Variants in GNG7 observed in about 807,000 individuals in gnomAD.
GNG7 encodes the protein guanine nucleotide-binding protein G(I)/G(S)/G(O) subunit gamma-7.
A neutral mutation model predicts 4.0 loss-of-function variants in GNG7; 1 was observed. The observed-to-expected ratio is 0.25, with a 90% CI of 0.09 to 1.18. The LOEUF (loss-of-function observed/expected upper bound fraction) is 1.18, where lower values mean the gene tolerates loss of function less well. GNG7 is among the 50% of genes most tolerant of loss of function. The pLI, the probability that GNG7 is intolerant of heterozygous loss-of-function variation, is 0.50. For missense variants in GNG7, 86 were observed against 91.9 expected (o/e 0.94, Z 0.26); for synonymous variants, 34 against 36.9 (o/e 0.92, Z 0.29).
intron 2 of GNG7, among the ~76,000 whole-genome samples, chr19:2,594,241 T>C (rs1980940406): frequency 6.6e-6 from 1 of 151,782 alleles, no homozygotes; most frequent in Non-Finnish European, 1.5e-5. Context: ...GGTGTGGTGG[T>C]GGGCACCTGT....
rs1305102804 is a variant in GNG7, at chr19:2,546,031, A to T, written c.-38+9118T>A. 6.6e-6 allele frequency among the ~76,000 whole-genome samples: 1 copy of T among 152,234 alleles called. No individual in the cohort carries two copies. The highest frequency in any genetic ancestry group is 1.9e-4 in the East Asian group (1 of 5,200). On this transcript the variant is annotated intron_variant, in intron 3 of 4. Coordinates refer to ENST00000382159, the MANE Select transcript of GNG7 (RefSeq NM_052847.3). The surrounding 1 kb of genome is among the most constrained non-coding windows in gnomAD (Gnocchi z 6.3). ...ACAGCTTCCAGAGCGGACACAGGGC[A>T]TCAGGGTGAGAAGGCACAGGGCAAC...
chr19:2,656,260 T>C (rs937616828), intron 1 of GNG7, among the ~76,000 whole-genome samples: 2 of 152,138 alleles, frequency 1.3e-5, no homozygotes, highest in Non-Finnish European at 2.9e-5. Flanking sequence ...TCATTCACAA[T>C]AGCCGAGATA....
At chr19:2,532,163 A>AC (rs367915182) in intron 3 of GNG7, among the ~76,000 whole-genome samples, 46,374 of 98,622 alleles carry the variant, frequency 0.47, 7,885 homozygotes, top group South Asian at 0.57. Flanking sequence ...AAAAAAAAAC[A>AC]AAAAAAAAAA....
chr19:2,635,586 A>T (rs1599432994), intron 2 of GNG7, among the ~76,000 whole-genome samples: 1 of 145,462 alleles, frequency 6.9e-6, no homozygotes, highest in African/African-American at 2.5e-5. Context: ...ACTTGGGGTG[A>T]TTTTTTTTTT....
intron 1 of GNG7, among the ~76,000 whole-genome samples, chr19:2,673,459 G>A (rs776962928): frequency 4.6e-5 from 7 of 151,524 alleles, no homozygotes; most frequent in Non-Finnish European, 4.4e-5. Flanking sequence ...TTGGGAGGCC[G>A]AGGCGGGCGG....
At chr19:2,556,597 G>A (rs1226427742) in intron 2 of GNG7, among the ~76,000 whole-genome samples, 1 of 152,098 alleles carries the variant, frequency 6.6e-6, no homozygotes, top group Non-Finnish European at 1.5e-5. Context: ...GCAGCCCTGC[G>A]CCCCGGGGCT....
At chr19:2,702,352 G>T in intron 1 of GNG7, among the ~76,000 whole-genome samples, 1 of 125,796 alleles carries the variant, frequency 7.9e-6, no homozygotes, top group East Asian at 2.4e-4. Context: ...CCCGTCCCCA[G>T]CTAACCTCGA....
chr19:2,548,775 G>A (rs76557648), intron 3 of GNG7, among the ~76,000 whole-genome samples: 19,708 of 144,734 alleles, frequency 0.14, 25 homozygotes, highest in South Asian at 0.15. Context: ...GGTGCAGAGC[G>A]AGACTCTGTC....
intron 3 of GNG7, among the ~76,000 whole-genome samples, chr19:2,528,971 C>G (rs958792423): frequency 6.6e-6 from 1 of 152,150 alleles, no homozygotes; most frequent in Non-Finnish European, 1.5e-5. Context: ...GTGGAAGGGC[C>G]GGTTTGCCCG....
chr19:2,589,395 T>TTTTTTTTTTA (rs869236480), intron 2 of GNG7, among the ~76,000 whole-genome samples: 2 of 113,024 alleles, frequency 1.8e-5, no homozygotes, highest in Non-Finnish European at 4.1e-5. Context: ...TTTTTTTTTT[T>TTTTTTTTTTA]AAATAGCAGA....
At chr19:2,540,844 C>T (rs1599380763) in intron 3 of GNG7, among the ~76,000 whole-genome samples, 3 of 152,274 alleles carry the variant, frequency 2.0e-5, no homozygotes, top group South Asian at 4.1e-4. Flanking sequence ...ACAGCGAGAC[C>T]CAGAGAGGCT....
At chr19:2,639,995 GAA>G (rs1171011410) in intron 2 of GNG7, among the ~76,000 whole-genome samples, 1 of 79,550 alleles carries the variant, frequency 1.3e-5, no homozygotes. Context: ...AAGGAAGAAA[GAA>G]GAGAGGGAGG....
intron 1 of GNG7, among the ~76,000 whole-genome samples, chr19:2,673,288 CAAAAAAAAA>C (rs1568281194): frequency 6.6e-5 from 9 of 136,902 alleles, no homozygotes; most frequent in South Asian, 2.4e-4. Flanking sequence ...CAAAACAAAA[CAAAAAAAAA>C]CCCAGCAGGT....
Position 2,537,338 on chromosome 19 carries a change from C to T in GNG7, c.-37-16613G>A, listed in dbSNP as rs143037113. Reference sequence around the variant, plus strand: ...ATAGCTCACTGCAGCCTCCAACTCCCGGGCTCAAGCGATCCTCCTGCCTGG... The same window carrying T: ...ATAGCTCACTGCAGCCTCCAACTCCTGGGCTCAAGCGATCCTCCTGCCTGG... On this transcript the variant is annotated intron_variant, in intron 3 of 4. Coordinates refer to ENST00000382159, the MANE Select transcript of GNG7 (RefSeq NM_052847.3). Among the ~76,000 whole-genome samples the T allele has an allele frequency of 6.3e-3, 957 of 152,168 alleles. 12 individuals are homozygous for T. The highest frequency in any genetic ancestry group is 0.022 in the African/African-American group (897 of 41,500).
intron 2 of GNG7, among the ~76,000 whole-genome samples, chr19:2,631,386 A>G (rs1257033464): frequency 6.6e-6 from 1 of 152,200 alleles, no homozygotes; most frequent in Non-Finnish European, 1.5e-5. Context: ...TGGTTATGAG[A>G]TGAAATCAGA....
At chr19:2,542,060 GCA>G (rs1978978463) in intron 3 of GNG7, among the ~76,000 whole-genome samples, 1 of 151,084 alleles carries the variant, frequency 6.6e-6, no homozygotes, top group South Asian at 2.1e-4. Context: ...TGTGGCAGGT[GCA>G]CAGTCGGGCC....
At chr19:2,605,371 G>A (rs1314024621) in intron 2 of GNG7, among the ~76,000 whole-genome samples, 1 of 151,510 alleles carries the variant, frequency 6.6e-6, no homozygotes, top group Non-Finnish European at 1.5e-5. Context: ...GCTAATTTTT[G>A]TATTATTAGT....
At position 2,512,353 on chromosome 19, in the gene GNG7, G is replaced by GA. The variant is rs374316822; in HGVS notation, c.*2668dup. On this transcript the variant is annotated 3_prime_UTR_variant, in exon 5 of 5. Transcript: ENST00000382159. The surrounding 1 kb of genome is among the most constrained non-coding windows in gnomAD (Gnocchi z 4.7). ...AGTGTGGTCACTGAAGTCTACTCAA[G>GA]AAAAAAAAAAGTGGAGAATTTTTTT... 11,671 of 664,496 alleles carry GA rather than the reference G, an allele frequency of 0.018. No individual in the cohort carries two copies. The highest frequency in any genetic ancestry group is 0.02 in the Non-Finnish European group (10,725 of 539,074). The allele number at this position is 664,496 out of a possible 1,614,324, so 41.2% of individuals were successfully genotyped here. A position where few individuals can be genotyped will look rare whatever the true frequency, so the allele number is the denominator to read the frequency against.
chr19:2,629,654 G>T (rs1599430269), intron 2 of GNG7, among the ~76,000 whole-genome samples: 1 of 152,144 alleles, frequency 6.6e-6, no homozygotes, highest in Non-Finnish European at 1.5e-5. Context: ...AGCCCTGAAC[G>T]CAGTGTGGGG....
Sources: allele counts gnomAD v4.1 joint callset (sites outside exome capture counted in the v4.1 genomes callset), GRCh38; gene constraint gnomAD v4.1.1; non-coding constraint Gnocchi (gnomAD v3.1); transcripts MANE v1.5; gene names NCBI Gene and HGNC (gene_info 2026-07-23, HGNC 2026-07-21).